FAXC: variants seen among roughly 807,000 people sequenced by gnomAD.
FAXC encodes the protein failed axon connections homolog, metaxin like GST domain containing.
A neutral mutation model predicts 41.9 loss-of-function variants in FAXC; 10 were observed. The ratio of observed to expected loss-of-function variants is 0.24; its 90% confidence interval spans 0.15 to 0.41. The LOEUF (loss-of-function observed/expected upper bound fraction) is 0.41, where lower values mean the gene tolerates loss of function less well. Ranked by LOEUF, FAXC falls within the 10% of genes least tolerant of loss-of-function variation. The probability of loss-of-function intolerance (pLI) is 1.00; values close to 1 mark genes in which losing one functional copy is unlikely to be tolerated. For missense variants in FAXC, 399 were observed against 510.9 expected (o/e 0.78, Z 2.11); for synonymous variants, 183 against 183.8 (o/e 1.00, Z 0.03).
At chr6:99,339,577 A>T (rs957244986) in intron 2 of FAXC, among the ~76,000 whole-genome samples, 4 of 152,270 alleles carry the variant, frequency 2.6e-5, no homozygotes, top group African/African-American at 9.6e-5. Flanking sequence ...TAACATAATA[A>T]ATATCCTCCA....
chr6:99,286,488 T>G (rs1022637447), intron 5 of FAXC, among the ~76,000 whole-genome samples: 5 of 152,180 alleles, frequency 3.3e-5, no homozygotes, highest in African/African-American at 7.2e-5. Context: ...ATCTATCAAG[T>G]ATTAAGTAAA....
At position 99,280,949 on chromosome 6, in the gene FAXC, A is replaced by G. The variant is rs913602554; in HGVS notation, c.*215T>C. The G allele has an allele frequency of 2.3e-5, 12 of 513,538 alleles. No individual in the cohort carries two copies. Among genetic ancestry groups the G allele is most frequent in the African/African-American group, 1.7e-4 (9 of 52,472 alleles). 31.8% of individuals were successfully genotyped at this position (513,538 alleles called of 1,614,324 possible). ...AATGGATTTCAGGAACCATGCTGAC[A>G]TTATTTTTTGCCTGTTTGTTTTCAA... On this transcript the variant is annotated 3_prime_UTR_variant, in exon 6 of 6. Transcript: ENST00000389677.
intron 5 of FAXC, among the ~76,000 whole-genome samples, chr6:99,282,546 T>G (rs189328996): frequency 2.0e-5 from 3 of 152,348 alleles, no homozygotes; most frequent in Non-Finnish European, 2.9e-5. Context: ...AGAACTCTTG[T>G]GTTAAGTCAC....
chr6:99,337,293 C>A (rs1773250927), intron 2 of FAXC, among the ~76,000 whole-genome samples: 1 of 151,574 alleles, frequency 6.6e-6, no homozygotes, highest in South Asian at 2.1e-4. Context: ...ACAAGGTCAG[C>A]AAATAAATAC....
intron 5 of FAXC, among the ~76,000 whole-genome samples, chr6:99,284,668 T>C (rs1483520198): frequency 6.6e-6 from 1 of 151,760 alleles, no homozygotes; most frequent in African/African-American, 2.4e-5. Context: ...ATCTCAGCAC[T>C]CTGGAAGGCT....
rs1231992055 is a variant in FAXC at position 99,323,631 on chromosome 6, A to T, written c.636T>A (p.Asn212Lys). 2 of 1,614,122 alleles carry T rather than the reference A, an allele frequency of 1.2e-6. No homozygotes were observed. The highest frequency in any genetic ancestry group is 1.7e-5 in the Admixed American group (1 of 60,034). Residue 212 changes from asparagine (N) to lysine (K), a missense_variant, in exon 4 of 6, where the codon AAT (asparagine) becomes AAA (lysine). By Grantham distance (94) the Asn-to-Lys change is moderately conservative. Transcript: ENST00000389677. ...LAYCQWVDNL[N>K]ETRKMLSLSG... is the part of the protein sequence containing the mutation. ...TAAGAGAGAGCATCTTCCGGGTCTC[A>T]TTGAGATTGTCCACCCACTGGCAAT...
rs1479082730 is a variant in FAXC, at chr6:99,349,087, G to A, written c.266+20C>T. 1 of 1,611,490 alleles carries A rather than the reference G, an allele frequency of 6.2e-7. No individual in the cohort carries two copies. Among genetic ancestry groups the A allele is most frequent in the Non-Finnish European group, 8.5e-7 (1 of 1,179,120 alleles). ...GTGCCCCTCTCTGCGCCCCTGTGCG[G>A]GGCCCTCTCTCCGGCTCACCTAATG... On this transcript the variant is annotated intron_variant, in intron 1 of 5. Transcript: ENST00000389677.
rs35568056 is a variant in FAXC, at chr6:99,281,230, A to G, written c.1164T>C (p.Thr388=). The change falls in exon 6 of 6, where the codon ACT becomes ACC. Residue 388 remains threonine, a synonymous_variant. Transcript: ENST00000389677. ...CATCCGAATCAAAGAGTGAGTGTCCAGTAAAATCTGTGTCTGGGGTTCTGG... is the reference window on the plus strand; with the variant it reads ...CATCCGAATCAAAGAGTGAGTGTCCGGTAAAATCTGTGTCTGGGGTTCTGG... ...SFSRTPDTDF[T]GHSLFDSDVD... is the part of the protein sequence containing the mutation. 37 of 1,609,726 alleles carry G rather than the reference A, an allele frequency of 2.3e-5. No homozygotes were observed. In the African/African-American group the frequency reaches 4.9e-4, roughly 22 times the overall value.
intron 4 of FAXC, among the ~76,000 whole-genome samples, chr6:99,301,688 T>C (rs1156719333): frequency 1.3e-5 from 2 of 152,150 alleles, no homozygotes; most frequent in African/African-American, 4.8e-5. Context: ...CTAATAATAA[T>C]AGTCCCTGGA....
In FAXC at chr6:99,271,767, T is replaced by C. The variant is rs1770409578; in HGVS notation, c.*9397A>G. 6.6e-6 allele frequency: 1 copy of C among 152,004 alleles called. No homozygotes were observed. Among genetic ancestry groups the C allele is most frequent in the Non-Finnish European group, 1.5e-5 (1 of 67,986 alleles). The allele number at this position is 152,004 out of a possible 1,614,324, so 9.4% of individuals were successfully genotyped here. ...ATATTCCCATGTTGGGAAGGGAGGG[T>C]TAGAATTTTGAATGTTACCTGATTG... On this transcript the variant is annotated 3_prime_UTR_variant, in exon 6 of 6. Transcript: ENST00000389677.
intron 1 of FAXC, among the ~76,000 whole-genome samples, chr6:99,344,048 G>A (rs1402148905): frequency 6.6e-6 from 1 of 152,142 alleles, no homozygotes; most frequent in Non-Finnish European, 1.5e-5. Flanking sequence ...GACAACTGGT[G>A]TCAAATCCAA....
At chr6:99,290,265 C>A (rs1771189256) in intron 5 of FAXC, among the ~76,000 whole-genome samples, 1 of 152,096 alleles carries the variant, frequency 6.6e-6, no homozygotes, top group African/African-American at 2.4e-5. Context: ...ATATGTTCAT[C>A]CCCTAGCACT....
intron 4 of FAXC, among the ~76,000 whole-genome samples, chr6:99,307,234 G>A (rs1229745304): frequency 3.3e-5 from 5 of 152,192 alleles, no homozygotes; most frequent in Admixed American, 6.5e-5. Context: ...TGGGAGATAA[G>A]GGAAGAGCAT....
chr6:99,329,390 C>T (rs746817367), intron 3 of FAXC, among the ~76,000 whole-genome samples: 4 of 152,082 alleles, frequency 2.6e-5, no homozygotes, highest in African/African-American at 4.8e-5. Context: ...TAACTTAATA[C>T]CTGGCCCGTG....
At chr6:99,327,142 T>C (rs922876388) in intron 3 of FAXC, among the ~76,000 whole-genome samples, 4 of 152,216 alleles carry the variant, frequency 2.6e-5, no homozygotes, top group African/African-American at 9.7e-5. Context: ...TTTCACTCTC[T>C]GTGCTCAATA....
intron 2 of FAXC, among the ~76,000 whole-genome samples, chr6:99,335,260 T>G (rs922888682): frequency 6.6e-6 from 1 of 152,214 alleles, no homozygotes; most frequent in Non-Finnish European, 1.5e-5. Flanking sequence ...AGTAAAAAAT[T>G]TCCTCTTCAA....
At chr6:99,299,037 C>A (rs1402954481) in intron 4 of FAXC, among the ~76,000 whole-genome samples, 5 of 152,126 alleles carry the variant, frequency 3.3e-5, no homozygotes, top group African/African-American at 1.2e-4. Flanking sequence ...AGAACTTCCA[C>A]CATGCATCTC....
At chr6:99,291,455 A>C (rs1469045369) in intron 5 of FAXC, among the ~76,000 whole-genome samples, 1 of 152,248 alleles carries the variant, frequency 6.6e-6, no homozygotes, top group Non-Finnish European at 1.5e-5. Flanking sequence ...GCATAAAAAC[A>C]TCGCAGGACC....
chr6:99,321,244 T>C (rs550553756), intron 4 of FAXC, among the ~76,000 whole-genome samples: 53 of 152,330 alleles, frequency 3.5e-4, no homozygotes, highest in Non-Finnish European at 6.6e-4. Context: ...ACCAGGAACA[T>C]TGATAACTAA....
Sources: gnomAD v4.1 joint callset for allele counts (sites outside exome capture counted in the v4.1 genomes callset) on GRCh38, gnomAD v4.1.1 for gene constraint, MANE v1.5 for transcripts, NCBI Gene and HGNC (gene_info 2026-07-23, HGNC 2026-07-21) for gene names.